Variants in COL4A4 observed in about 807,000 individuals in gnomAD.
COL4A4 encodes the protein collagen type IV alpha 4 chain.
In COL4A4, 105 loss-of-function variants were observed where a neutral mutation model predicts 192.9. The ratio of observed to expected loss-of-function variants is 0.54; its 90% CI spans 0.46 to 0.64. COL4A4 has a LOEUF of 0.64. Ranked by LOEUF, COL4A4 falls within the 30% of genes least tolerant of loss-of-function variation. The pLI is 0.00. For missense variants in COL4A4, 1,967 were observed against 2,169.3 expected (o/e 0.91, Z 1.85); for synonymous variants, 762 against 769.9 (o/e 0.99, Z 0.17).
intron 25 of COL4A4, among the ~76,000 whole-genome samples, chr2:227,076,902 T>C (rs2059053553): frequency 6.6e-6 from 1 of 152,176 alleles, no homozygotes; most frequent in Admixed American, 6.5e-5. Flanking sequence ...TTTTCATCAG[T>C]GGTCATTAGA....
Position 227,043,512 on chromosome 2 carries a change from CT to C in COL4A4, c.3290-329del, listed in dbSNP as rs1175738830. Among the ~76,000 whole-genome samples the C allele has an allele frequency of 2.0e-5, 3 of 152,082 alleles. No individual in the cohort carries two copies. The East Asian group carries it at 5.8e-4, about 29-fold the overall frequency. ...TCATTTTTAAATGAATGGCCAGTAG[CT>C]TTTTGAGTCAATCTTAATTAAATTA... On this transcript the variant is annotated intron_variant, in intron 35 of 47. Coordinates refer to ENST00000396625, the MANE Select transcript of COL4A4 (RefSeq NM_000092.5).
chr2:227,011,576 TTG>T (rs779516493), intron 45 of COL4A4, among the ~76,000 whole-genome samples: 13 of 152,216 alleles, frequency 8.5e-5, no homozygotes, highest in Non-Finnish European at 1.6e-4. Context: ...GGAGATGGGA[TTG>T]TGTCTCAGGC....
chr2:226,978,496 T>G, the COL4A4 span, among the ~76,000 whole-genome samples: 1 of 152,190 alleles, frequency 6.6e-6, no homozygotes, highest in African/African-American at 2.4e-5. Flanking sequence ...CTCAAGAAAC[T>G]GCCCACCTAC....
At chr2:227,129,392 G>A (rs2062282296) in intron 4 of COL4A4, among the ~76,000 whole-genome samples, 1 of 150,916 alleles carries the variant, frequency 6.6e-6, no homozygotes, top group Non-Finnish European at 1.5e-5. Context: ...ATCTGCTTGG[G>A]GTGATGTCTT....
chr2:227,106,171 T>C (rs1372447751), intron 12 of COL4A4, among the ~76,000 whole-genome samples: 2 of 152,062 alleles, frequency 1.3e-5, no homozygotes, highest in Non-Finnish European at 2.9e-5. Flanking sequence ...AGTGTTGGTG[T>C]AGCACCTGCC....
intron 4 of COL4A4, among the ~76,000 whole-genome samples, chr2:227,130,951 G>A (rs1188776327): frequency 1.3e-5 from 2 of 151,378 alleles, no homozygotes; most frequent in Admixed American, 6.6e-5. Flanking sequence ...TCACCCCCTC[G>A]CTAAGCCACC....
chr2:227,082,246 T>C, intron 22 of COL4A4, 59 bp from the exon 23 acceptor site: 4 of 1,319,922 alleles, frequency 3.0e-6, no homozygotes, highest in Non-Finnish European at 3.3e-6. Context: ...CAGTTACATC[T>C]GTACATATTG....
At chr2:227,038,668 T>C (rs1300092552) in intron 37 of COL4A4, among the ~76,000 whole-genome samples, 1 of 152,220 alleles carries the variant, frequency 6.6e-6, no homozygotes, top group Non-Finnish European at 1.5e-5. Flanking sequence ...TTAAATCTGA[T>C]TGAACACAAG....
intron 45 of COL4A4, among the ~76,000 whole-genome samples, chr2:227,011,505 ATTCGT>A (rs1963693291): frequency 6.6e-6 from 1 of 152,126 alleles, no homozygotes; most frequent in African/African-American, 2.4e-5. Flanking sequence ...AGCCCTCCTC[ATTCGT>A]TTCTACTCAC....
chr2:227,147,363 TG>T lies in COL4A4; in HGVS notation c.71+49del, dbSNP rs2063616824. 2.6e-6 allele frequency: 4 copies of T among 1,531,904 alleles called. No homozygotes were observed. In the African/African-American group the frequency reaches 4.1e-5, roughly 16 times the overall value. The allele number at this position is 1,531,904 out of a possible 1,614,324, so 94.9% of individuals were successfully genotyped here. A position where few individuals can be genotyped will look rare whatever the true frequency, so the allele number is the denominator to read the frequency against. ...CGGTTTACATCCATAGAACAAACATTGAGTAGAAATTACTAAATAAAAGCAG... is the reference window on the plus strand; with the variant it reads ...CGGTTTACATCCATAGAACAAACATTAGTAGAAATTACTAAATAAAAGCAG... On this transcript the variant is annotated intron_variant, in intron 2 of 47. Coordinates refer to ENST00000396625, the MANE Select transcript of COL4A4 (RefSeq NM_000092.5).
chr2:227,045,093 TG>T (rs765010790), intron 35 of COL4A4, among the ~76,000 whole-genome samples: 7 of 152,302 alleles, frequency 4.6e-5, no homozygotes, highest in Admixed American at 2.0e-4. Context: ...TTCCTATCTT[TG>T]GGGTTTACAT....
the COL4A4 span, among the ~76,000 whole-genome samples, chr2:226,986,831 A>C: frequency 6.6e-6 from 1 of 152,252 alleles, no homozygotes; most frequent in African/African-American, 2.4e-5. Context: ...ATTACTGGGT[A>C]TATACCCAAA....
At chr2:227,016,995 G>C (rs1381348889) in intron 44 of COL4A4, among the ~76,000 whole-genome samples, 1 of 152,176 alleles carries the variant, frequency 6.6e-6, no homozygotes, top group Non-Finnish European at 1.5e-5. Context: ...CACCTTCCAA[G>C]AGAGTATCAG....
chr2:227,103,067 G>T, intron 14 of COL4A4, 77 bp downstream of exon 14: 1 of 1,330,098 alleles, frequency 7.5e-7, no homozygotes, highest in Non-Finnish European at 1.1e-6. Flanking sequence ...CAATGATAAA[G>T]ACCATGAGAA....
At chr2:227,062,452 C>T (rs1434106218) in intron 26 of COL4A4, 78 bp downstream of exon 26, 1 of 918,702 alleles carries the variant, frequency 1.1e-6, no homozygotes, top group Non-Finnish European at 1.8e-6. Context: ...AGGATTCACT[C>T]TTGGTTTATC....
intron 40 of COL4A4, 89 bp from the exon 41 acceptor site, chr2:227,030,687 C>G: frequency 1.0e-6 from 1 of 964,278 alleles, no homozygotes; most frequent in Non-Finnish European, 1.5e-6. Context: ...AAAAACAATT[C>G]AATGACTTGC....
intron 25 of COL4A4, among the ~76,000 whole-genome samples, chr2:227,063,436 C>A (rs1402362927): frequency 6.6e-6 from 1 of 151,964 alleles, no homozygotes; most frequent in Admixed American, 6.6e-5. Flanking sequence ...GGTTCTAGAC[C>A]ATGAATTTAT....
At chr2:227,114,025 T>TCA (rs1261586490) in intron 8 of COL4A4, among the ~76,000 whole-genome samples, 1 of 152,220 alleles carries the variant, frequency 6.6e-6, no homozygotes, top group Non-Finnish European at 1.5e-5. Flanking sequence ...CATTTGGACA[T>TCA]CACTCCCTGC....
At chr2:227,149,630 T>A (rs934024108) in intron 1 of COL4A4, among the ~76,000 whole-genome samples, 1 of 137,894 alleles carries the variant, frequency 7.3e-6, no homozygotes, top group Non-Finnish European at 1.6e-5. Context: ...GCATTTGATA[T>A]TTTTTAATAA....
Sources: allele counts gnomAD v4.1 joint callset (sites outside exome capture counted in the v4.1 genomes callset), GRCh38; gene constraint gnomAD v4.1.1; transcripts MANE v1.5; gene names NCBI Gene and HGNC (gene_info 2026-07-23, HGNC 2026-07-21).